RAI1: variants seen among roughly 807,000 people sequenced by gnomAD.
RAI1 encodes the protein retinoic acid induced 1, also known as retinoic acid-induced protein 1.
RAI1 carries 9 observed loss-of-function variants against 123.8 expected under a neutral mutation model. The ratio of observed to expected loss-of-function variants is 0.07; its 90% CI spans 0.04 to 0.13. The LOEUF is 0.13. RAI1 is among the 10% of genes least tolerant of loss of function. The probability of loss-of-function intolerance (pLI) is 1.00; values close to 1 mark genes in which losing one functional copy is unlikely to be tolerated. For missense variants in RAI1, 2,256 were observed against 2,545.8 expected (o/e 0.89, Z 2.45); for synonymous variants, 1,231 against 1,127.3 (o/e 1.09, Z -1.84).
At chr17:17,682,145 G>A (rs969704848) in intron 1 of RAI1, among the ~76,000 whole-genome samples, 3 of 150,814 alleles carry the variant, frequency 2.0e-5, no homozygotes, top group African/African-American at 7.3e-5. Context: ...TCTTTGCGGA[G>A]CGTGGGGTGG....
intron 1 of RAI1, chr17:17,683,604 A>T (rs1211756859): frequency 6.6e-6 from 1 of 152,228 alleles, no homozygotes; most frequent in East Asian, 1.9e-4. Context: ...CGTGACACAG[A>T]AGTGGACACA....
intron 2 of RAI1, among the ~76,000 whole-genome samples, chr17:17,752,353 GA>G (rs946435580): frequency 4.6e-5 from 7 of 152,216 alleles, no homozygotes; most frequent in South Asian, 2.1e-4. Context: ...GGGGTGAGCG[GA>G]AAGGGGCGGG....
At chr17:17,696,684 G>C (rs1377429896) in intron 1 of RAI1, among the ~76,000 whole-genome samples, 1 of 151,870 alleles carries the variant, frequency 6.6e-6, no homozygotes, top group Non-Finnish European at 1.5e-5. Context: ...ATGCAGCTTG[G>C]GTCAGGGGGT....
intron 2 of RAI1, among the ~76,000 whole-genome samples, chr17:17,729,715 C>A (rs1048333949): frequency 1.3e-5 from 2 of 152,216 alleles, no homozygotes; most frequent in African/African-American, 2.4e-5. Flanking sequence ...ACTGTCCATC[C>A]GTTCAGGGCA....
intron 2 of RAI1, among the ~76,000 whole-genome samples, chr17:17,785,201 G>T (rs1311975751): frequency 2.0e-5 from 3 of 152,208 alleles, no homozygotes; most frequent in Non-Finnish European, 4.4e-5. Context: ...AGGGGCTCTG[G>T]AGGAGACAGC....
Position 17,713,119 on chromosome 17 carries a change from TA to T in RAI1, c.-148-10905del, listed in dbSNP as rs529727495. On this transcript the variant is annotated intron_variant, in intron 1 of 5. Transcript: ENST00000353383. ...TACCAAAACCCTGAGTTGTCCCCTTTAAAAGGGTGAATTTTATAGTGAGTGA... is the reference window on the plus strand; with the variant it reads ...TACCAAAACCCTGAGTTGTCCCCTTTAAAGGGTGAATTTTATAGTGAGTGA... Among the ~76,000 whole-genome samples, 385 of 152,294 alleles carry T rather than the reference TA, an allele frequency of 2.5e-3. 1 individual carries two copies. The highest frequency in any genetic ancestry group is 3.5e-3 in the Admixed American group (53 of 15,300).
At chr17:17,699,139 G>T (rs1285429855) in intron 1 of RAI1, among the ~76,000 whole-genome samples, 1 of 152,200 alleles carries the variant, frequency 6.6e-6, no homozygotes, top group Non-Finnish European at 1.5e-5. Flanking sequence ...ACCTTCTCTG[G>T]GCTCCTAGAG....
chr17:17,692,908 C>A (rs973529753), intron 1 of RAI1, among the ~76,000 whole-genome samples: 5 of 152,178 alleles, frequency 3.3e-5, no homozygotes, highest in African/African-American at 4.8e-5. Context: ...GGGAGCCAGG[C>A]AAGATTGCAA....
At chr17:17,783,142 T>TG (rs2031669487) in intron 2 of RAI1, among the ~76,000 whole-genome samples, 1 of 152,106 alleles carries the variant, frequency 6.6e-6, no homozygotes, top group Admixed American at 6.5e-5. Context: ...CTCCGCCTCA[T>TG]GGCGAGTGCA....
chr17:17,791,619 G>A (rs1335201363), intron 2 of RAI1, among the ~76,000 whole-genome samples: 2 of 152,218 alleles, frequency 1.3e-5, no homozygotes, highest in Non-Finnish European at 2.9e-5. Flanking sequence ...CACAGGCCGA[G>A]CTGAGCCCCT....
At chr17:17,771,117 C>A (rs1249384811) in intron 2 of RAI1, among the ~76,000 whole-genome samples, 1 of 152,180 alleles carries the variant, frequency 6.6e-6, no homozygotes, top group Non-Finnish European at 1.5e-5. Flanking sequence ...ACTGTTTGGC[C>A]TTGGCAGGGC....
chr17:17,806,499 G>GAGA (rs2032595765), intron 4 of RAI1, among the ~76,000 whole-genome samples: 1 of 152,244 alleles, frequency 6.6e-6, no homozygotes, highest in African/African-American at 2.4e-5. Flanking sequence ...CCATGAAGGG[G>GAGA]AGAAGTAGGG....
At chr17:17,805,976 C>G (rs1009769625) in intron 4 of RAI1, among the ~76,000 whole-genome samples, 6 of 152,250 alleles carry the variant, frequency 3.9e-5, no homozygotes, top group African/African-American at 1.4e-4. Context: ...ATGGCGTGGA[C>G]AGTCCCAGGA....
intron 1 of RAI1, among the ~76,000 whole-genome samples, chr17:17,709,430 A>AC (rs994002543): frequency 6.6e-6 from 1 of 151,156 alleles, no homozygotes; most frequent in Non-Finnish European, 1.5e-5. Flanking sequence ...TCTCTTCTCC[A>AC]CCCCTCCAGG....
chr17:17,765,465 G>A lies in RAI1; in HGVS notation c.-16-27468G>A, dbSNP rs568627277. On this transcript the variant is annotated intron_variant, in intron 2 of 5. Coordinates refer to ENST00000353383, the MANE Select transcript of RAI1 (RefSeq NM_030665.4). ...GTATTGTACACACAAGATGAAAATC[G>A]TGTAAAGCAAGGCCCAGACACATGA... 5.9e-5 allele frequency among the ~76,000 whole-genome samples: 9 copies of A among 152,362 alleles called. No individual in the cohort carries two copies. The East Asian group carries it at 7.7e-4, about 13-fold the overall frequency.
At chr17:17,759,413 T>C (rs940270190) in intron 2 of RAI1, 21 of 152,222 alleles carry the variant, frequency 1.4e-4, no homozygotes, top group African/African-American at 4.6e-4. Flanking sequence ...TATATGTTCA[T>C]TGCAGAACAT....
At chr17:17,731,469 G>T (rs977841928) in intron 2 of RAI1, among the ~76,000 whole-genome samples, 3 of 152,152 alleles carry the variant, frequency 2.0e-5, no homozygotes, top group Non-Finnish European at 4.4e-5. Context: ...AGGGACTGAG[G>T]CCAAAAAGGA....
Position 17,809,910 on chromosome 17 carries a change from G to A in RAI1, c.5710-60G>A. ...AGGCGGGGGGCCCACACTGGGGGCGGGGCCTATGGACTGTGAAGTCCGAGG... is the reference window on the plus strand; with the variant it reads ...AGGCGGGGGGCCCACACTGGGGGCGAGGCCTATGGACTGTGAAGTCCGAGG... On this transcript the variant is annotated intron_variant, in intron 5 of 5. Coordinates refer to ENST00000353383, the MANE Select transcript of RAI1 (RefSeq NM_030665.4). This position sits in a 1 kb window ranked among gnomAD's most constrained non-coding sequence, Gnocchi z 4.9. The A allele has an allele frequency of 1.3e-6, 2 of 1,552,092 alleles. No homozygotes were observed. Among genetic ancestry groups the A allele is most frequent in the African/African-American group, 1.4e-5 (1 of 73,336 alleles).
At chr17:17,752,255 ATT>A (rs1304194526) in intron 2 of RAI1, among the ~76,000 whole-genome samples, 1 of 152,040 alleles carries the variant, frequency 6.6e-6, no homozygotes, top group Non-Finnish European at 1.5e-5. Flanking sequence ...GACTACTCGT[ATT>A]TCCTGCCTTT....
Sources: gnomAD v4.1 joint callset for allele counts (sites outside exome capture counted in the v4.1 genomes callset) on GRCh38, gnomAD v4.1.1 for gene constraint, Gnocchi (gnomAD v3.1) non-coding constraint, MANE v1.5 for transcripts, NCBI Gene and HGNC (gene_info 2026-07-23, HGNC 2026-07-21) for gene names.